LUC7L: variants seen among roughly 807,000 people sequenced by gnomAD.
The protein encoded by LUC7L is LUC7 like.
A neutral mutation model predicts 51.1 loss-of-function variants in LUC7L; 29 were observed. That is an observed-to-expected ratio of 0.57 (90% CI 0.42 to 0.77). The LOEUF (loss-of-function observed/expected upper bound fraction) is 0.77. Among genes scored for constraint, LUC7L ranks in the 30% least tolerant of loss-of-function variants. The pLI is 0.00. For synonymous variants in LUC7L, 181 were observed against 180.7 expected (o/e 1.00, Z -0.01); for missense variants, 403 against 511.9 (o/e 0.79, Z 2.05).
At chr16:196,620 C>T (rs1232853018) in intron 6 of LUC7L, among the ~76,000 whole-genome samples, 8 of 151,692 alleles carry the variant, frequency 5.3e-5, no homozygotes, top group South Asian at 2.1e-4. Context: ...CTCTGCCTCC[C>T]GGGTTCAAGC....
chr16:220,580 A>T, intron 3 of LUC7L, 69 bp downstream of exon 3: 1 of 1,157,366 alleles, frequency 8.6e-7, no homozygotes, highest in Non-Finnish European at 1.3e-6. Context: ...TACGTATGTT[A>T]CATTTTTCTT....
rs564917082 is a variant in LUC7L at position 228,175 on chromosome 16, T to C, written c.62-839A>G. On this transcript the variant is annotated intron_variant, in intron 1 of 9. Transcript: ENST00000293872. ...TATACAACACAGAGCTGTGCAACGCTAGAGGAGGAATATATTTTAGGATTT... is the reference window on the plus strand; with the variant it reads ...TATACAACACAGAGCTGTGCAACGCCAGAGGAGGAATATATTTTAGGATTT... 3.5e-4 allele frequency: 441 copies of C among 1,251,490 alleles called. 2 individuals carry two copies. In the African/African-American group the frequency reaches 5.8e-3, roughly 16 times the overall value. 77.5% of individuals were successfully genotyped at this position (1,251,490 alleles called of 1,614,324 possible).
chr16:203,809 G>A (rs892477308), intron 5 of LUC7L, among the ~76,000 whole-genome samples: 3 of 151,962 alleles, frequency 2.0e-5, no homozygotes, highest in South Asian at 2.1e-4. Flanking sequence ...GAGGTCAGGA[G>A]ATAGAGGCCA....
intron 9 of LUC7L, chr16:189,619 G>C: frequency 7.6e-7 from 1 of 1,321,590 alleles, no homozygotes; most frequent in Non-Finnish European, 9.6e-7. Context: ...ATGACACTAC[G>C]TAAAAACACA....
At chr16:208,351 G>C in intron 3 of LUC7L, 163 bp from the exon 4 acceptor site, 1 of 561,120 alleles carries the variant, frequency 1.8e-6, no homozygotes, top group Admixed American at 4.0e-5. Context: ...ATTCATAATT[G>C]CATTAAATCA....
intron 3 of LUC7L, chr16:209,686 G>A (rs1324152722): frequency 1.3e-5 from 2 of 152,128 alleles, no homozygotes; most frequent in African/African-American, 4.8e-5. Context: ...GTGGAGATGA[G>A]AAGGCAGATG....
intron 6 of LUC7L, 49 bp from the exon 7 acceptor site, chr16:193,064 AGT>A: frequency 7.1e-7 from 1 of 1,407,122 alleles, no homozygotes; most frequent in Non-Finnish European, 1.0e-6. Flanking sequence ...CACAAACCAG[AGT>A]GTGAATGCTA....
intron 3 of LUC7L, among the ~76,000 whole-genome samples, chr16:219,234 CA>C (rs1204652009): frequency 3.3e-5 from 5 of 151,762 alleles, no homozygotes; most frequent in Non-Finnish European, 7.4e-5. Context: ...ACCAAAAATA[CA>C]AAAATGAGCT....
intron 4 of LUC7L, among the ~76,000 whole-genome samples, chr16:207,806 A>G (rs534934862): frequency 3.3e-5 from 5 of 152,200 alleles, no homozygotes; most frequent in East Asian, 1.9e-4. Flanking sequence ...TCAGGAGATC[A>G]AGACCATACC....
chr16:221,071 G>A lies in LUC7L; in HGVS notation c.157-324C>T, dbSNP rs1260647699. On this transcript the variant is annotated intron_variant, in intron 2 of 9. Transcript: ENST00000293872. Reference sequence around the variant, plus strand: ...AGTCTCACCTGTCACCCAGGCTGGAGTACAGTGGCGCGACCTCAGCTTACT... The same window carrying A: ...AGTCTCACCTGTCACCCAGGCTGGAATACAGTGGCGCGACCTCAGCTTACT... 2.0e-5 allele frequency among the ~76,000 whole-genome samples: 3 copies of A among 151,992 alleles called. No individual in the cohort carries two copies. In the East Asian group the frequency reaches 5.8e-4, roughly 29 times the overall value.
At chr16:208,715 T>C (rs2049553875) in intron 3 of LUC7L, 9 of 780,702 alleles carry the variant, frequency 1.2e-5, no homozygotes, top group Non-Finnish European at 1.4e-5. Flanking sequence ...TGAATACATT[T>C]TGTTATTGCC....
At chr16:193,880 C>A (rs190853658) in intron 6 of LUC7L, among the ~76,000 whole-genome samples, 4 of 151,402 alleles carry the variant, frequency 2.6e-5, no homozygotes, top group Non-Finnish European at 4.4e-5. Context: ...CTCGGCTCGC[C>A]GCAAGCTCCG....
Position 202,391 on chromosome 16 carries a change from G to A in LUC7L, c.511-3153C>T, listed in dbSNP as rs560685806. ...CCCACTAGACCCCACCTCCAACATT[G>A]GAGGTCACATTTCAACATGAGATTT... On this transcript the variant is annotated intron_variant, in intron 5 of 9. Transcript: ENST00000293872. 4.0e-3 allele frequency among the ~76,000 whole-genome samples: 604 copies of A among 152,190 alleles called. 1 individual carries two copies. The highest frequency in any genetic ancestry group is 5.4e-3 in the Non-Finnish European group (368 of 68,006).
At chr16:203,508 A>G (rs964533632) in intron 5 of LUC7L, among the ~76,000 whole-genome samples, 1 of 151,940 alleles carries the variant, frequency 6.6e-6, no homozygotes, top group African/African-American at 2.4e-5. Context: ...GGATTTCAAG[A>G]CCAGCCTTGA....
At chr16:228,433 G>A in intron 1 of LUC7L, 5 of 1,272,462 alleles carry the variant, frequency 3.9e-6, no homozygotes, top group Non-Finnish European at 5.1e-6. Context: ...GGCCACAATT[G>A]TTCAGTTTGT....
rs759565079 is a variant in LUC7L, at chr16:190,062, G to T, written c.880C>A (p.Arg294=). The T allele has an allele frequency of 6.2e-7, 1 of 1,613,520 alleles. No individual in the cohort carries two copies. Among genetic ancestry groups the T allele is most frequent in the African/African-American group, 1.3e-5 (1 of 74,886 alleles). The change falls in exon 9 of 10, where the codon CGG becomes AGG. Residue 294 remains arginine (R), a synonymous_variant. Coordinates refer to ENST00000293872, the MANE Select transcript of LUC7L (RefSeq NM_201412.3). Reference sequence around the variant, plus strand: ...TGGCGCCGATGTCTATCTCGGGACCGGGACCGGGACAATTTCCGTCGCTCT... The same window carrying T: ...TGGCGCCGATGTCTATCTCGGGACCTGGACCGGGACAATTTCCGTCGCTCT... The part of the protein sequence containing the change: ...SRERRKLSRS[R]SRDRHRRHRS...
intron 5 of LUC7L, 110 bp from the exon 6 acceptor site, chr16:199,348 A>G: frequency 4.4e-6 from 3 of 688,890 alleles, no homozygotes; most frequent in South Asian, 4.3e-5. Flanking sequence ...CTTTTAAACA[A>G]ATATTAAAAA....
chr16:219,928 A>G (rs1385947016), intron 3 of LUC7L, among the ~76,000 whole-genome samples: 2 of 152,210 alleles, frequency 1.3e-5, no homozygotes, highest in Non-Finnish European at 2.9e-5. Flanking sequence ...GAGTACTAAA[A>G]AAATGCAAAT....
chr16:225,732 G>C (rs1331277522), intron 2 of LUC7L, among the ~76,000 whole-genome samples: 2 of 150,916 alleles, frequency 1.3e-5, no homozygotes, highest in Non-Finnish European at 3.0e-5. Context: ...TGATCCACCC[G>C]CCTCGGCCTC....
Sources: gnomAD v4.1 joint callset for allele counts (sites outside exome capture counted in the v4.1 genomes callset) on GRCh38, gnomAD v4.1.1 for gene constraint, MANE v1.5 for transcripts, NCBI Gene and HGNC (gene_info 2026-07-23, HGNC 2026-07-21) for gene names.